MEPE: variants seen among roughly 807,000 people sequenced by gnomAD.
MEPE encodes matrix extracellular phosphoglycoprotein.
MEPE carries 7 observed loss-of-function variants against 7.3 expected under a neutral mutation model. The observed-to-expected ratio is 0.95, with a 90% CI of 0.54 to 1.79. The LOEUF (loss-of-function observed/expected upper bound fraction) is 1.79, where lower values mean the gene tolerates loss of function less well. Among genes scored for constraint, MEPE ranks in the 40% most tolerant of loss-of-function variants. The pLI is 0.00. For synonymous variants in MEPE, 214 were observed against 213.1 expected (o/e 1.00, Z -0.04); for missense variants, 623 against 628.2 (o/e 0.99, Z 0.09).
chr4:87,836,513 T>C (rs1560537906), intron 2 of MEPE, among the ~76,000 whole-genome samples: 1 of 152,298 alleles, frequency 6.6e-6, no homozygotes, highest in East Asian at 1.9e-4. Flanking sequence ...TTATGCTTTC[T>C]TCTTCCTATA....
intron 2 of MEPE, among the ~76,000 whole-genome samples, chr4:87,838,090 T>C (rs1047986334): frequency 6.6e-6 from 1 of 152,138 alleles, no homozygotes; most frequent in South Asian, 2.1e-4. Context: ...GCAATAAGTT[T>C]TTGTCCTTAA....
At position 87,842,283 on chromosome 4, in the gene MEPE, G is replaced by A. The variant is rs1364487179; in HGVS notation, c.109-2694G>A. 4.6e-5 allele frequency among the ~76,000 whole-genome samples: 7 copies of A among 151,990 alleles called. No individual in the cohort carries two copies. The South Asian group carries it at 1.2e-3, about 27-fold the overall frequency. ...TGCGTTTGGTTTTTCTATTTTCTTT[G>A]CTACCTTCCCTACACACTTGACCAA... On this transcript the variant is annotated intron_variant, in intron 3 of 3. Coordinates refer to ENST00000361056, the MANE Select transcript of MEPE (RefSeq NM_020203.6).
chr4:87,830,835 A>AG (rs528977083), upstream of MEPE, among the ~76,000 whole-genome samples: 133 of 151,484 alleles, frequency 8.8e-4, 1 homozygote, highest in Middle Eastern at 3.4e-3. Flanking sequence ...AAAAAAAAAA[A>AG]AGAGAGAGTT....
chr4:87,836,955 A>G (rs113459775), intron 2 of MEPE, among the ~76,000 whole-genome samples: 81 of 152,288 alleles, frequency 5.3e-4, no homozygotes, highest in African/African-American at 1.9e-3. Context: ...AACTATTGTT[A>G]TTTTCTAGAA....
chr4:87,841,813 G>A (rs1458046181), intron 3 of MEPE, among the ~76,000 whole-genome samples: 1 of 152,124 alleles, frequency 6.6e-6, no homozygotes, highest in Non-Finnish European at 1.5e-5. Flanking sequence ...AAGAGCAGGG[G>A]GGTCCAGAGT....
At chr4:87,840,531 A>C (rs1722974565) in intron 3 of MEPE, among the ~76,000 whole-genome samples, 1 of 152,242 alleles carries the variant, frequency 6.6e-6, no homozygotes, top group Non-Finnish European at 1.5e-5. Context: ...CCATTTGCCA[A>C]ATATATGTGG....
chr4:87,844,084 T>A (rs970683704), intron 3 of MEPE, among the ~76,000 whole-genome samples: 1 of 152,180 alleles, frequency 6.6e-6, no homozygotes, highest in Non-Finnish European at 1.5e-5. Context: ...GACTCACATT[T>A]GTCCCTAGTA....
intron 1 of MEPE, among the ~76,000 whole-genome samples, chr4:87,834,339 T>C (rs927126326): frequency 2.0e-5 from 3 of 152,206 alleles, no homozygotes; most frequent in Admixed American, 6.5e-5. Context: ...CTACATCAAC[T>C]TAATGTCATT....
intron 1 of MEPE, among the ~76,000 whole-genome samples, chr4:87,834,055 C>T (rs938592854): frequency 6.6e-6 from 1 of 152,156 alleles, no homozygotes; most frequent in African/African-American, 2.4e-5. Context: ...ATAGTAACGC[C>T]GCCTAACTTG....
At chr4:87,823,383 A>C (rs1462224470) in intron 1 of MEPE, among the ~76,000 whole-genome samples, 1 of 152,232 alleles carries the variant, frequency 6.6e-6, no homozygotes, top group Non-Finnish European at 1.5e-5. Context: ...CAGACAGGAT[A>C]GCAGAGGGGA....
At chr4:87,824,647 T>C (rs1722419782) in intron 1 of MEPE, among the ~76,000 whole-genome samples, 1 of 152,226 alleles carries the variant, frequency 6.6e-6, no homozygotes, top group African/African-American at 2.4e-5. Context: ...TAAACTATGA[T>C]CATTTTGAAA....
At chr4:87,828,118 T>A (rs1291741757), upstream of MEPE, among the ~76,000 whole-genome samples, 2 of 152,130 alleles carry the variant, frequency 1.3e-5, no homozygotes, top group Non-Finnish European at 2.9e-5. Context: ...TGGATATCAG[T>A]GGGAAGTAAA....
At chr4:87,844,852 C>T (rs558319003) in intron 3 of MEPE, 125 bp from the exon 4 acceptor site, 501 of 724,276 alleles carry the variant, frequency 6.9e-4, no homozygotes, top group Middle Eastern at 1.7e-3. Flanking sequence ...ACCAGTAAAC[C>T]TCTATTGAGT....
chr4:87,833,166 A>G (rs771626915), intron 1 of MEPE, among the ~76,000 whole-genome samples, 152 bp downstream of exon 1: 1 of 152,192 alleles, frequency 6.6e-6, no homozygotes, highest in Non-Finnish European at 1.5e-5. Context: ...TTGTTTTATA[A>G]AATAGGAAAT....
chr4:87,835,351 C>T (rs1722743954), intron 2 of MEPE, among the ~76,000 whole-genome samples: 1 of 152,222 alleles, frequency 6.6e-6, no homozygotes, highest in Admixed American at 6.5e-5. Flanking sequence ...CCCTCTGACT[C>T]ACCCAGTTGA....
intron 2 of MEPE, among the ~76,000 whole-genome samples, chr4:87,837,158 C>G (rs529177319): frequency 6.6e-6 from 1 of 152,196 alleles, no homozygotes; most frequent in Admixed American, 6.5e-5. Flanking sequence ...AACAGAAAAG[C>G]CAACCAGGGG....
In MEPE at chr4:87,845,885, C is replaced by T. The variant is rs770679806; in HGVS notation, c.1017C>T (p.Asn339=). Residue 339 remains asparagine, a synonymous_variant, in exon 4 of 4, where the codon AAC becomes AAT. Transcript: ENST00000361056. ...AVDVSLVEGS[N]DIMGSTNFKE... ...ATGTCAGCCTTGTAGAGGGCAGCAA[C>T]GATATCATGGGTAGTACCAATTTTA... is the stretch of plus-strand genomic sequence containing the variant. 2.6e-5 allele frequency: 42 copies of T among 1,613,712 alleles called. No individual in the cohort carries two copies. In the East Asian group the frequency reaches 2.7e-4, roughly 10 times the overall value.
At chr4:87,827,434 C>T (rs547077421) in intron 1 of MEPE, among the ~76,000 whole-genome samples, 6 of 152,028 alleles carry the variant, frequency 3.9e-5, no homozygotes, top group Non-Finnish European at 8.8e-5. Context: ...CGATATACAC[C>T]CTAATTTGGT....
In MEPE at chr4:87,845,261, T is replaced by A. The variant is rs1424880651; in HGVS notation, c.393T>A (p.Asp131Glu). The A allele has an allele frequency of 1.9e-6, 3 of 1,614,048 alleles. No homozygotes were observed. Among genetic ancestry groups the A allele is most frequent in the East Asian group, 4.5e-5 (2 of 44,880 alleles). ...TGNKGFEDGD[D>E]AISKLHDQEE... ...ATAAAGGGTTTGAGGATGGAGATGA[T>A]GCTATCAGCAAACTACATGACCAAG... The change falls in exon 4 of 4, where the codon GAT (aspartate) becomes GAA (glutamate). Residue 131 changes from aspartate (D) to glutamate (E), a missense_variant. Physicochemically the swap from Asp to Glu is conservative, Grantham distance 45 (BLOSUM62 2). Coordinates refer to ENST00000361056, the MANE Select transcript of MEPE (RefSeq NM_020203.6).
Sources: allele counts gnomAD v4.1 joint callset (sites outside exome capture counted in the v4.1 genomes callset), GRCh38; gene constraint gnomAD v4.1.1; transcripts MANE v1.5; gene names NCBI Gene and HGNC (gene_info 2026-07-23, HGNC 2026-07-21).